The following MARCHF1 variants were observed in gnomAD, a reference collection of about 807,000 sequenced individuals.
The protein encoded by MARCHF1 is membrane associated ring-CH-type finger 1.
In MARCHF1, 40 loss-of-function variants were observed where a neutral mutation model predicts 54.2. That is an observed-to-expected ratio of 0.74 (90% CI 0.57 to 0.96). The LOEUF (loss-of-function observed/expected upper bound fraction) is 0.96. MARCHF1 is among the 40% of genes least tolerant of loss of function. The pLI is 0.00. For missense variants in MARCHF1, 586 were observed against 656.5 expected (o/e 0.89, Z 1.17); for synonymous variants, 236 against 236.3 (o/e 1.00, Z 0.01).
Position 163,648,672 on chromosome 4 carries a change from G to C in MARCHF1, c.163-35279C>G, listed in dbSNP as rs1742852763. 6.1e-5 allele frequency among the ~76,000 whole-genome samples: 9 copies of C among 146,710 alleles called. 1 individual carries two copies. Among genetic ancestry groups the C allele is most frequent in the Admixed American group, 6.1e-4 (9 of 14,738 alleles). On this transcript the variant is annotated intron_variant, in intron 5 of 9. Transcript: ENST00000514618. ...TGTTGTTGGAAAAAAAAAAAACAAG[G>C]AGCTGAAAATTATCATGGAGAAGAA...
intron 3 of MARCHF1, among the ~76,000 whole-genome samples, chr4:163,937,951 C>G (rs907381539): frequency 2.0e-5 from 3 of 152,042 alleles, no homozygotes; most frequent in Non-Finnish European, 2.9e-5. Flanking sequence ...TATCTTGGCT[C>G]TAGGGCACAT....
At chr4:163,758,773 C>A (rs746730370) in intron 4 of MARCHF1, among the ~76,000 whole-genome samples, 4 of 152,184 alleles carry the variant, frequency 2.6e-5, no homozygotes, top group Admixed American at 6.5e-5. Flanking sequence ...CCTAAAATGC[C>A]TGCCTTGTAT....
In MARCHF1 at chr4:163,636,044, A is replaced by G. The variant is rs12645436; in HGVS notation, c.163-22651T>C. Among the ~76,000 whole-genome samples, 298 of 152,066 alleles carry G rather than the reference A, an allele frequency of 2.0e-3. 1 individual carries two copies. The highest frequency in any genetic ancestry group is 6.8e-3 in the Middle Eastern group (2 of 294). On this transcript the variant is annotated intron_variant, in intron 5 of 9. Transcript: ENST00000514618. Reference sequence around the variant, plus strand: ...AAAAGGCCTTTGACAAAATTCAACAACCCTTCATGCTAAAAACTCTCAATA... The same window carrying G: ...AAAAGGCCTTTGACAAAATTCAACAGCCCTTCATGCTAAAAACTCTCAATA...
chr4:164,176,941 G>GCTCTCT lies in MARCHF1; in HGVS notation c.-322-65285_-322-65280dup, dbSNP rs57770641. ...TGTTATTTATCTGAGTACCTTGTGC[G>GCTCTCT]CTCTCTCTCTCTCTCTCTCTCTCTC... On this transcript the variant is annotated intron_variant, in intron 1 of 9. Transcript: ENST00000514618. Among the ~76,000 whole-genome samples, 31 of 58,148 alleles carry GCTCTCT rather than the reference G, an allele frequency of 5.3e-4. 1 individual carries two copies. The highest frequency in any genetic ancestry group is 1.1e-3 in the East Asian group (3 of 2,652). 38.1% of individuals were successfully genotyped at this position (58,148 alleles called of 152,430 possible). A position where few individuals can be genotyped will look rare whatever the true frequency, so the allele number is the denominator to read the frequency against.
rs1020052736 is a variant in MARCHF1 at position 163,892,767 on chromosome 4, G to T, written c.-38-38598C>A. Among the ~76,000 whole-genome samples the T allele has an allele frequency of 3.3e-5, 5 of 152,186 alleles. 1 individual carries two copies. The South Asian group carries it at 1.0e-3, about 32-fold the overall frequency. ...GACATTATATCAAGAGCTGGTAAGG[G>T]TCTGAAGGTTCATCTGACTTGAAAG... On this transcript the variant is annotated intron_variant, in intron 3 of 9. Transcript: ENST00000514618.
chr4:164,295,403 G>A (rs1025245159), intron 1 of MARCHF1, among the ~76,000 whole-genome samples: 4 of 151,132 alleles, frequency 2.6e-5, no homozygotes, highest in Non-Finnish European at 5.9e-5. Context: ...GATACATTTT[G>A]GGGTGATGTG....
intron 8 of MARCHF1, among the ~76,000 whole-genome samples, chr4:163,554,742 A>G (rs1292825186): frequency 6.6e-6 from 1 of 152,218 alleles, no homozygotes; most frequent in Admixed American, 6.5e-5. Flanking sequence ...AGGCATAAAT[A>G]TTCTAAAAAT....
At chr4:163,945,932 T>C (rs994837498) in intron 3 of MARCHF1, among the ~76,000 whole-genome samples, 1 of 152,068 alleles carries the variant, frequency 6.6e-6, no homozygotes, top group Non-Finnish European at 1.5e-5. Context: ...TCTCACAGCT[T>C]CCCTAGTTTT....
chr4:164,121,974 T>C (rs1352224846), intron 1 of MARCHF1, among the ~76,000 whole-genome samples: 4 of 152,002 alleles, frequency 2.6e-5, no homozygotes, highest in Non-Finnish European at 5.9e-5. Flanking sequence ...AAATCACCAA[T>C]ACATTAGGAA....
intron 3 of MARCHF1, chr4:163,932,960 T>C (rs1174942511): frequency 2.7e-5 from 19 of 715,022 alleles, no homozygotes. Flanking sequence ...CCCAAGGAGC[T>C]TACCAAAAGG....
At chr4:163,717,800 G>A (rs1376779761) in intron 4 of MARCHF1, among the ~76,000 whole-genome samples, 1 of 152,072 alleles carries the variant, frequency 6.6e-6, no homozygotes, top group African/African-American at 2.4e-5. Context: ...GTCTTCTTTT[G>A]AGAAGTGTCT....
chr4:164,062,257 C>G (rs1195977286), intron 2 of MARCHF1, among the ~76,000 whole-genome samples: 1 of 152,152 alleles, frequency 6.6e-6, no homozygotes, highest in Non-Finnish European at 1.5e-5. Flanking sequence ...AACTCTAGTA[C>G]TCTCACTATC....
At chr4:164,070,730 G>A (rs1423773657) in intron 2 of MARCHF1, among the ~76,000 whole-genome samples, 2 of 152,172 alleles carry the variant, frequency 1.3e-5, no homozygotes, top group Non-Finnish European at 2.9e-5. Context: ...ATGTCTGCAA[G>A]GCAGGCAGAG....
chr4:163,926,516 T>A (rs1751541749), intron 3 of MARCHF1, among the ~76,000 whole-genome samples: 1 of 151,670 alleles, frequency 6.6e-6, no homozygotes, highest in East Asian at 1.9e-4. Context: ...ATGGAATTTC[T>A]GGCAAAAGGC....
intron 1 of MARCHF1, among the ~76,000 whole-genome samples, chr4:164,175,063 T>C (rs1400117000): frequency 6.6e-6 from 1 of 152,204 alleles, no homozygotes; most frequent in Non-Finnish European, 1.5e-5. Context: ...ATCCTAGTTC[T>C]ACTTCTTACT....
intron 1 of MARCHF1, among the ~76,000 whole-genome samples, chr4:164,215,410 G>T (rs553150097): frequency 6.6e-6 from 1 of 152,224 alleles, no homozygotes; most frequent in East Asian, 1.9e-4. Context: ...GTGTCTGCCT[G>T]CTAGGGTCTT....
At chr4:163,629,874 T>A (rs2110987289) in intron 5 of MARCHF1, among the ~76,000 whole-genome samples, 1 of 152,288 alleles carries the variant, frequency 6.6e-6, no homozygotes, top group South Asian at 2.1e-4. Flanking sequence ...GTGCCTCAAG[T>A]CATTAATCAT....
At chr4:164,343,769 T>C (rs138252990) in intron 1 of MARCHF1, among the ~76,000 whole-genome samples, 1 of 152,128 alleles carries the variant, frequency 6.6e-6, no homozygotes, top group Non-Finnish European at 1.5e-5. Context: ...CACTTATACA[T>C]TGCTGATGGA....
At chr4:164,010,392 C>T (rs1359140206) in intron 2 of MARCHF1, among the ~76,000 whole-genome samples, 5 of 151,622 alleles carry the variant, frequency 3.3e-5, no homozygotes, top group African/African-American at 7.3e-5. Flanking sequence ...CCACTGTGCC[C>T]GGCCAAAAAC....
Sources: gnomAD v4.1 joint callset for allele counts (sites outside exome capture counted in the v4.1 genomes callset) on GRCh38, gnomAD v4.1.1 for gene constraint, MANE v1.5 for transcripts, NCBI Gene and HGNC (gene_info 2026-07-23, HGNC 2026-07-21) for gene names.